SNRNP35: variants seen among roughly 807,000 people sequenced by gnomAD.
SNRNP35 encodes the protein U11/U12 small nuclear ribonucleoprotein 35 kDa protein.
A neutral mutation model predicts 24.3 loss-of-function variants in SNRNP35; 16 were observed. The ratio of observed to expected loss-of-function variants is 0.66; its 90% CI spans 0.45 to 1.00. SNRNP35 has a LOEUF of 1.00. SNRNP35 is among the 50% of genes least tolerant of loss of function. The pLI is 0.00. For synonymous variants in SNRNP35, 106 were observed against 124.8 expected (o/e 0.85, Z 1.00); for missense variants, 292 against 327.2 (o/e 0.89, Z 0.83).
intron 1 of SNRNP35, chr12:123,460,002 G>C: frequency 1.3e-6 from 1 of 778,246 alleles, no homozygotes; most frequent in Non-Finnish European, 2.2e-6. Context: ...TTAAAGTTTT[G>C]AACAGGAGCT....
At chr12:123,463,311 C>T (rs1174591842) in intron 1 of SNRNP35, among the ~76,000 whole-genome samples, 1 of 151,976 alleles carries the variant, frequency 6.6e-6, no homozygotes, top group Non-Finnish European at 1.5e-5. Flanking sequence ...ATCGTCCCAC[C>T]TTGGCCTTCT....
chr12:123,461,427 C>T (rs1880627713), intron 1 of SNRNP35, among the ~76,000 whole-genome samples: 1 of 151,748 alleles, frequency 6.6e-6, no homozygotes, highest in Non-Finnish European at 1.5e-5. Flanking sequence ...CGCCCGGCTG[C>T]CTCTTCTTTT....
exon 2 of SNRNP35, chr12:123,472,599 G>C (rs747653126): frequency 6.4e-7 from 1 of 1,571,364 alleles, no homozygotes; most frequent in Non-Finnish European, 8.6e-7. Context: ...GTGGGTGTTT[G>C]CCCACTGTCC....
chr12:123,458,249 C>A, intron 1 of SNRNP35, 33 bp downstream of exon 1: 1 of 984,992 alleles, frequency 1.0e-6, no homozygotes, highest in Non-Finnish European at 1.2e-6. Context: ...GAGCGGGCCC[C>A]ACGCCGGAGA....
At chr12:123,472,430 G>A in exon 2 of SNRNP35, 3 of 1,221,616 alleles carry the variant, frequency 2.5e-6, no homozygotes, top group Non-Finnish European at 3.4e-6. Flanking sequence ...CAGTTTTCAG[G>A]GTGCATCTGC....
chr12:123,472,494 C>G, exon 2 of SNRNP35: 1 of 1,547,628 alleles, frequency 6.5e-7, no homozygotes, highest in Non-Finnish European at 8.7e-7. Flanking sequence ...GTTGCAGGCG[C>G]TGGTGGCGGG....
Position 123,465,524 on chromosome 12 carries a change from C to G in SNRNP35, c.-3-14C>G. On this transcript the variant is annotated splice_polypyrimidine_tract_variant and intron_variant, in intron 1 of 1. Coordinates refer to ENST00000526639, the MANE Select transcript of SNRNP35 (RefSeq NM_022717.4). This position sits in a 1 kb window ranked among gnomAD's most constrained non-coding sequence, Gnocchi z 4.2. Reference sequence around the variant, plus strand: ...AGTAGAGGCTCCATCCACGCTTGCTCTTATCATTCATAGAACATGAACGAT... The same window carrying G: ...AGTAGAGGCTCCATCCACGCTTGCTGTTATCATTCATAGAACATGAACGAT... 1 of 1,531,398 alleles carries G rather than the reference C, an allele frequency of 6.5e-7. No individual in the cohort carries two copies. The allele number at this position is 1,531,398 out of a possible 1,614,324, so 94.9% of individuals were successfully genotyped here.
chr12:123,467,722 G>A (rs1282839381), downstream of SNRNP35, among the ~76,000 whole-genome samples: 2 of 152,188 alleles, frequency 1.3e-5, no homozygotes, highest in Non-Finnish European at 2.9e-5. Context: ...ACAGGGAACT[G>A]GACCAACCTG....
chr12:123,465,774 G>A lies in SNRNP35; in HGVS notation c.234G>A (p.Arg78=), dbSNP rs749382559. 2.7e-5 allele frequency: 44 copies of A among 1,614,054 alleles called. No individual in the cohort carries two copies. Among genetic ancestry groups the A allele is most frequent in the Admixed American group, 5.0e-5 (3 of 59,974 alleles). The part of the protein sequence containing the change: ...KEVFSRYGDI[R]RLRLVRDLVT... The stretch of plus-strand genomic sequence containing the variant: ...TCTTTTCCCGCTATGGTGACATCCG[G>A]CGGCTTCGGCTGGTCAGGGACTTGG... Residue 78 remains arginine (R), a synonymous_variant, in exon 2 of 2, where the codon CGG becomes CGA. Coordinates refer to ENST00000526639, the MANE Select transcript of SNRNP35 (RefSeq NM_022717.4). The surrounding 1 kb of genome is among the most constrained non-coding windows in gnomAD (Gnocchi z 4.2).
intron 1 of SNRNP35, among the ~76,000 whole-genome samples, chr12:123,460,956 C>CT (rs35246652): frequency 0.021 from 2,638 of 122,760 alleles, 207 homozygotes; most frequent in African/African-American, 0.079. Context: ...TGCGCCTGGC[C>CT]TTTTTTTTTT....
chr12:123,461,998 G>A (rs1880659947), intron 1 of SNRNP35, among the ~76,000 whole-genome samples: 1 of 152,186 alleles, frequency 6.6e-6, no homozygotes, highest in South Asian at 2.1e-4. Context: ...GGGATTACTG[G>A]CGTGAGCCAC....
At chr12:123,469,636 G>A (rs1881098334), downstream of SNRNP35, among the ~76,000 whole-genome samples, 2 of 151,962 alleles carry the variant, frequency 1.3e-5, no homozygotes, top group South Asian at 4.2e-4. Flanking sequence ...TGAGATCATA[G>A]GTGTACACCA....
At chr12:123,461,771 G>A (rs1880644888) in intron 1 of SNRNP35, among the ~76,000 whole-genome samples, 1 of 150,968 alleles carries the variant, frequency 6.6e-6, no homozygotes, top group Admixed American at 6.6e-5. Context: ...GATGAGGCTG[G>A]AGTGCAGTGG....
At chr12:123,472,560 T>TGTCCTTGCTCTGTGTAACC in exon 2 of SNRNP35, 1 of 1,552,588 alleles carries the variant, frequency 6.4e-7, no homozygotes, top group Non-Finnish European at 8.7e-7. Context: ...CAGGGCTTCC[T>TGTCCTTGCTCTGTGTAACC]GTCCTTGCTC....
chr12:123,458,174 T>C lies in SNRNP35; in HGVS notation c.-46T>C, dbSNP rs1880379277. ...CGGAGAATCTGCTGTCGCCTGCAGC[T>C]GCTCGCCTGTCTCCGTCGGAAGGGA... On this transcript the variant is annotated 5_prime_UTR_variant, in exon 1 of 2. Transcript: ENST00000526639. 2.0e-6 allele frequency: 2 copies of C among 985,428 alleles called. No homozygotes were observed. The highest frequency in any genetic ancestry group is 2.4e-6 in the Non-Finnish European group (2 of 829,982). The allele number at this position is 985,428 out of a possible 1,614,324, so 61.0% of individuals were successfully genotyped here. A position where few individuals can be genotyped will look rare whatever the true frequency, so the allele number is the denominator to read the frequency against.
chr12:123,472,302 G>A (rs1566108419), exon 2 of SNRNP35: 2 of 488,448 alleles, frequency 4.1e-6, no homozygotes, highest in Non-Finnish European at 7.3e-6. Context: ...TATATCCTAC[G>A]GGATCAGAGT....
intron 1 of SNRNP35, chr12:123,464,827 G>T (rs907548277): frequency 2.0e-5 from 3 of 152,218 alleles, no homozygotes; most frequent in Non-Finnish European, 4.4e-5. Flanking sequence ...CGCTCCCGCT[G>T]CTGGGTCACT....
chr12:123,470,585 A>C (rs1329717610), downstream of SNRNP35: 1 of 152,058 alleles, frequency 6.6e-6, no homozygotes, highest in Non-Finnish European at 1.5e-5. Context: ...AGACCTCGAG[A>C]CCAGCCTGGC....
At chr12:123,461,139 G>A (rs537785679) in intron 1 of SNRNP35, among the ~76,000 whole-genome samples, 32 of 148,052 alleles carry the variant, frequency 2.2e-4, no homozygotes, top group African/African-American at 7.2e-4. Flanking sequence ...TTTTTGAGAC[G>A]GAGTCTCGCT....
Sources: gnomAD v4.1 joint callset for allele counts (sites outside exome capture counted in the v4.1 genomes callset) on GRCh38, gnomAD v4.1.1 for gene constraint, Gnocchi (gnomAD v3.1) non-coding constraint, MANE v1.5 for transcripts, NCBI Gene and HGNC (gene_info 2026-07-23, HGNC 2026-07-21) for gene names.